Variants in ACER3 observed in about 807,000 individuals in gnomAD.
ACER3 encodes the protein alkCDase 3.
In ACER3, 16 loss-of-function variants were observed where a neutral mutation model predicts 48.9. The ratio of observed to expected loss-of-function variants is 0.33; its 90% CI spans 0.22 to 0.50. The LOEUF is 0.50. Ranked by LOEUF, ACER3 falls within the 20% of genes least tolerant of loss-of-function variation. ACER3 has a pLI of 0.98. For missense variants in ACER3, 227 were observed against 326.0 expected (o/e 0.70, Z 2.34); for synonymous variants, 109 against 107.8 (o/e 1.01, Z -0.07).
rs1555024927 is a variant in ACER3, at chr11:77,023,437, A to G, written c.*3110A>G. The G allele has an allele frequency of 2.9e-6, 1 of 342,638 alleles. No individual in the cohort carries two copies. Among genetic ancestry groups the G allele is most frequent in the African/African-American group, 2.1e-5 (1 of 47,738 alleles). The allele number at this position is 342,638 out of a possible 1,614,324, so 21.2% of individuals were successfully genotyped here. A position where few individuals can be genotyped will look rare whatever the true frequency, so the allele number is the denominator to read the frequency against. On this transcript the variant is annotated 3_prime_UTR_variant, in exon 11 of 11. Coordinates refer to ENST00000532485, the MANE Select transcript of ACER3 (RefSeq NM_018367.7). ...CTGTTATAATACCAGCCAATTCTGA[A>G]TTAGCCAATGCCCTAAAAGCATCTA...
intron 3 of ACER3, among the ~76,000 whole-genome samples, chr11:76,960,881 G>T (rs1294284976): frequency 6.6e-6 from 1 of 152,194 alleles, no homozygotes; most frequent in Non-Finnish European, 1.5e-5. Flanking sequence ...TTGACATGCG[G>T]TTGGAATCTG....
chr11:76,928,919 G>C (rs1946913574), intron 2 of ACER3, among the ~76,000 whole-genome samples: 1 of 152,146 alleles, frequency 6.6e-6, no homozygotes, highest in Non-Finnish European at 1.5e-5. Flanking sequence ...TGTTCTTTTG[G>C]CTTAGGATTG....
At chr11:76,908,737 A>G (rs545180948) in intron 1 of ACER3, among the ~76,000 whole-genome samples, 1 of 152,322 alleles carries the variant, frequency 6.6e-6, no homozygotes, top group African/African-American at 2.4e-5. Context: ...ATAAAAAACT[A>G]TTGACTTTCT....
chr11:76,873,095 T>C (rs1274256292), intron 1 of ACER3, among the ~76,000 whole-genome samples: 2 of 151,666 alleles, frequency 1.3e-5, no homozygotes, highest in Non-Finnish European at 2.9e-5. Context: ...ATTTTATTTT[T>C]TGTAGAGATG....
At position 77,020,761 on chromosome 11, in the gene ACER3, A is replaced by C. The variant is rs1300965429; in HGVS notation, c.*434A>C. 1 of 162,810 alleles carries C rather than the reference A, an allele frequency of 6.1e-6. No homozygotes were observed. The highest frequency in any genetic ancestry group is 1.3e-5 in the Non-Finnish European group (1 of 74,796). 10.1% of individuals were successfully genotyped at this position (162,810 alleles called of 1,614,324 possible). On this transcript the variant is annotated 3_prime_UTR_variant, in exon 11 of 11. Coordinates refer to ENST00000532485, the MANE Select transcript of ACER3 (RefSeq NM_018367.7). Reference sequence around the variant, plus strand: ...AACAAAACCCCATATCCAGATAGTTAGCTGTGAGCCAGCACTCAGCTGTGT... The same window carrying C: ...AACAAAACCCCATATCCAGATAGTTCGCTGTGAGCCAGCACTCAGCTGTGT...
intron 2 of ACER3, among the ~76,000 whole-genome samples, chr11:76,927,880 T>G (rs1946874354): frequency 6.6e-6 from 1 of 152,214 alleles, no homozygotes; most frequent in Non-Finnish European, 1.5e-5. Context: ...TCTGGGTTGG[T>G]TCCAAGTCTT....
At chr11:76,899,283 G>A (rs573548848) in intron 1 of ACER3, among the ~76,000 whole-genome samples, 3 of 152,200 alleles carry the variant, frequency 2.0e-5, no homozygotes, top group South Asian at 4.2e-4. Context: ...TATGACAAAT[G>A]CCCTGCATAT....
intron 1 of ACER3, among the ~76,000 whole-genome samples, chr11:76,891,191 T>C (rs924194738): frequency 2.6e-5 from 4 of 151,116 alleles, no homozygotes; most frequent in East Asian, 1.9e-4. Flanking sequence ...AGAATACAAA[T>C]GAATGAATTT....
At chr11:76,936,099 A>G (rs907322465) in intron 2 of ACER3, among the ~76,000 whole-genome samples, 6 of 152,214 alleles carry the variant, frequency 3.9e-5, no homozygotes, top group Non-Finnish European at 2.9e-5. Context: ...ACGGTTCCAC[A>G]TGGCTGGGGA....
chr11:77,017,314 G>A (rs1397593734), intron 9 of ACER3, among the ~76,000 whole-genome samples: 1 of 152,036 alleles, frequency 6.6e-6, no homozygotes, highest in Non-Finnish European at 1.5e-5. Flanking sequence ...TTACAATGCT[G>A]CCACAGAGAT....
chr11:76,897,707 CT>C (rs143271745), intron 1 of ACER3, among the ~76,000 whole-genome samples: 2,516 of 151,182 alleles, frequency 0.017, 62 homozygotes, highest in African/African-American at 0.055. Flanking sequence ...CTTATTTGTT[CT>C]TTTTTTTTGA....
In ACER3 at chr11:76,909,800, A is replaced by G. The variant is rs183938213; in HGVS notation, c.104-16757A>G. On this transcript the variant is annotated intron_variant, in intron 1 of 10. Transcript: ENST00000532485. ...TACCCAAAGGATTATAAATCATTCT[A>G]CTATAAAGACACATGCACACGTATG... Among the ~76,000 whole-genome samples, 489 of 152,284 alleles carry G rather than the reference A, an allele frequency of 3.2e-3. 1 individual carries two copies. Among genetic ancestry groups the G allele is most frequent in the Non-Finnish European group, 4.7e-3 (320 of 68,012 alleles).
intron 1 of ACER3, among the ~76,000 whole-genome samples, chr11:76,875,639 C>G (rs563723349): frequency 2.7e-5 from 4 of 149,842 alleles, no homozygotes; most frequent in Non-Finnish European, 5.9e-5. Flanking sequence ...TTGCTTTCCT[C>G]TAAATACTAA....
intron 1 of ACER3, among the ~76,000 whole-genome samples, chr11:76,903,466 C>CCACA (rs374252133): frequency 1.1e-5 from 1 of 89,322 alleles, no homozygotes; most frequent in South Asian, 4.9e-4. Context: ...CGCCCCCGGC[C>CCACA]CACACACACA....
intron 1 of ACER3, among the ~76,000 whole-genome samples, chr11:76,882,951 C>G (rs927908426): frequency 1.3e-5 from 2 of 152,080 alleles, no homozygotes; most frequent in African/African-American, 4.8e-5. Flanking sequence ...CTTTGTTTTC[C>G]CTTTCGAGAT....
At chr11:76,963,013 A>G (rs1483474735) in intron 3 of ACER3, among the ~76,000 whole-genome samples, 2 of 151,384 alleles carry the variant, frequency 1.3e-5, no homozygotes, top group Non-Finnish European at 2.9e-5. Flanking sequence ...CTTGGAGAAA[A>G]ACTCAGACTG....
chr11:76,932,768 C>G (rs1260054891), intron 2 of ACER3, among the ~76,000 whole-genome samples: 1 of 152,086 alleles, frequency 6.6e-6, no homozygotes, highest in Non-Finnish European at 1.5e-5. Flanking sequence ...AAATAAACAC[C>G]AAGTTCCAAC....
chr11:76,998,722 CAAT>C (rs782346576), intron 6 of ACER3, 38 bp from the exon 7 acceptor site: 31 of 1,479,716 alleles, frequency 2.1e-5, no homozygotes, highest in Non-Finnish European at 2.8e-5. Context: ...CTTTGCCAAA[CAAT>C]AATGATTGTA....
At position 77,022,051 on chromosome 11, in the gene ACER3, A is replaced by G. The variant is rs1251127790; in HGVS notation, c.*1724A>G. ...TGCCCCAAGATTCTGACTTCTGGCT[A>G]CATTTCACCTGCAGTTACCTGGGCT... On this transcript the variant is annotated 3_prime_UTR_variant, in exon 11 of 11. Coordinates refer to ENST00000532485, the MANE Select transcript of ACER3 (RefSeq NM_018367.7). 9 of 152,262 alleles carry G rather than the reference A, an allele frequency of 5.9e-5. No homozygotes were observed. The highest frequency in any genetic ancestry group is 1.7e-4 in the African/African-American group (7 of 41,468). 9.4% of individuals were successfully genotyped at this position (152,262 alleles called of 1,614,324 possible). A position where few individuals can be genotyped will look rare whatever the true frequency, so the allele number is the denominator to read the frequency against.
Sources: allele counts gnomAD v4.1 joint callset (sites outside exome capture counted in the v4.1 genomes callset), GRCh38; gene constraint gnomAD v4.1.1; transcripts MANE v1.5; gene names NCBI Gene and HGNC (gene_info 2026-07-23, HGNC 2026-07-21).